PITPNB: variants seen among roughly 807,000 people sequenced by gnomAD.
PITPNB encodes phosphatidylinositol transfer protein beta isoform.
A neutral mutation model predicts 45.9 loss-of-function variants in PITPNB; 16 were observed. The observed-to-expected ratio is 0.35, with a 90% confidence interval of 0.24 to 0.53. The LOEUF is 0.53. Ranked by LOEUF, PITPNB falls within the 20% of genes least tolerant of loss-of-function variation. The probability of loss-of-function intolerance (pLI) is 0.93; values close to 1 mark genes in which losing one functional copy is unlikely to be tolerated. For synonymous variants in PITPNB, 112 were observed against 108.9 expected, an observed-to-expected ratio of 1.03 and a Z score of -0.18; for missense variants, 188 against 330.5, an observed-to-expected ratio of 0.57 and a Z score of 3.34.
At chr22:27,857,551 AC>A (rs1249126425) in intron 10 of PITPNB, among the ~76,000 whole-genome samples, 7 of 152,174 alleles carry the variant, frequency 4.6e-5, no homozygotes, top group African/African-American at 1.7e-4. Flanking sequence ...CGTCTGTCAA[AC>A]GCTCACACCT....
Position 27,853,300 on chromosome 22 carries a change from T to C in PITPNB, c.*402A>G, listed in dbSNP as rs1176515093. The C allele has an allele frequency of 1.3e-5, 4 of 297,402 alleles. No homozygotes were observed. The highest frequency in any genetic ancestry group is 2.2e-5 in the African/African-American group (1 of 46,386). 18.4% of individuals were successfully genotyped at this position (297,402 alleles called of 1,614,324 possible). A position where few individuals can be genotyped will look rare whatever the true frequency, so the allele number is the denominator to read the frequency against. The stretch of plus-strand genomic sequence containing the variant: ...ACATTGCAGTCAATTTGTCCATTAA[T>C]GGTATTACTCTGATAATTATTAAAA... On this transcript the variant is annotated 3_prime_UTR_variant, in exon 12 of 12. Coordinates refer to ENST00000335272, the MANE Select transcript of PITPNB (RefSeq NM_012399.5).
chr22:27,853,320 T>C lies in PITPNB; in HGVS notation c.*382A>G, dbSNP rs1255189531. The C allele has an allele frequency of 1.2e-5, 4 of 347,080 alleles. No individual in the cohort carries two copies. The highest frequency in any genetic ancestry group is 2.1e-5 in the Non-Finnish European group (4 of 192,798). 21.5% of individuals were successfully genotyped at this position (347,080 alleles called of 1,614,324 possible). A position where few individuals can be genotyped will look rare whatever the true frequency, so the allele number is the denominator to read the frequency against. ...ATTAATGGTATTACTCTGATAATTATTAAAATCTGTTCCAGGTATATATAT... is the reference window on the plus strand; with the variant it reads ...ATTAATGGTATTACTCTGATAATTACTAAAATCTGTTCCAGGTATATATAT... On this transcript the variant is annotated 3_prime_UTR_variant, in exon 12 of 12. Coordinates refer to ENST00000335272, the MANE Select transcript of PITPNB (RefSeq NM_012399.5).
chr22:27,901,371 A>C (rs192532094), intron 3 of PITPNB, among the ~76,000 whole-genome samples: 1 of 152,286 alleles, frequency 6.6e-6, no homozygotes, highest in African/African-American at 2.4e-5. Context: ...TCTATCTGTA[A>C]ACCACACAAG....
At chr22:27,896,332 T>C (rs1004492589) in intron 6 of PITPNB, among the ~76,000 whole-genome samples, 2 of 151,786 alleles carry the variant, frequency 1.3e-5, no homozygotes, top group Non-Finnish European at 2.9e-5. Context: ...ATAAAGAGAG[T>C]TGCTGATCAA....
intron 11 of PITPNB, 111 bp downstream of exon 11, chr22:27,854,743 T>C (rs929837867): frequency 7.1e-6 from 4 of 566,456 alleles, no homozygotes; most frequent in African/African-American, 5.7e-5. Flanking sequence ...TCTTTTAAAT[T>C]CTAAAAATAA....
At chr22:27,901,604 A>G (rs1935595847) in intron 3 of PITPNB, among the ~76,000 whole-genome samples, 1 of 152,222 alleles carries the variant, frequency 6.6e-6, no homozygotes, top group East Asian at 1.9e-4. Context: ...AGAAAGGGCC[A>G]GGTGCGGTGG....
chr22:27,885,344 C>T (rs1601403763), intron 7 of PITPNB, among the ~76,000 whole-genome samples: 1 of 145,754 alleles, frequency 6.9e-6, no homozygotes, highest in Non-Finnish European at 1.5e-5. Context: ...TTAAGGAATC[C>T]TAAACTTTTT....
chr22:27,856,534 C>A (rs1367959964), intron 10 of PITPNB, among the ~76,000 whole-genome samples: 3 of 152,156 alleles, frequency 2.0e-5, no homozygotes, highest in Non-Finnish European at 4.4e-5. Flanking sequence ...CAAGTTCTGT[C>A]CAAGGGGTCC....
chr22:27,881,380 G>A (rs1934967230), intron 7 of PITPNB, among the ~76,000 whole-genome samples: 1 of 152,172 alleles, frequency 6.6e-6, no homozygotes, highest in Non-Finnish European at 1.5e-5. Flanking sequence ...CAATTCTCAT[G>A]TTTTTATTAT....
intron 2 of PITPNB, among the ~76,000 whole-genome samples, chr22:27,912,204 T>C (rs1218870366): frequency 2.0e-5 from 3 of 152,242 alleles, no homozygotes; most frequent in African/African-American, 4.8e-5. Context: ...TAAACATTCA[T>C]ATCTACAAAT....
chr22:27,905,005 A>C (rs1023314991), intron 3 of PITPNB, among the ~76,000 whole-genome samples: 1 of 152,278 alleles, frequency 6.6e-6, no homozygotes, highest in Non-Finnish European at 1.5e-5. Flanking sequence ...TATTTTTCAG[A>C]AACAGGATCA....
chr22:27,918,180 T>G (rs567781363), intron 1 of PITPNB, among the ~76,000 whole-genome samples: 1 of 152,184 alleles, frequency 6.6e-6, no homozygotes, highest in African/African-American at 2.4e-5. Flanking sequence ...AGGGAGTCTT[T>G]GGGAGGTATT....
intron 7 of PITPNB, among the ~76,000 whole-genome samples, chr22:27,886,847 A>G (rs1363107520): frequency 6.6e-6 from 1 of 152,194 alleles, no homozygotes; most frequent in Non-Finnish European, 1.5e-5. Flanking sequence ...TTCTTTTTAA[A>G]AGCAAGTAAT....
chr22:27,897,214 C>A, intron 4 of PITPNB, 77 bp from the exon 5 acceptor site: 1 of 934,040 alleles, frequency 1.1e-6, no homozygotes, highest in Non-Finnish European at 1.8e-6. Context: ...CAATCTGTCC[C>A]AATACTTAAT....
At chr22:27,890,173 G>C (rs942698496) in intron 7 of PITPNB, among the ~76,000 whole-genome samples, 1 of 151,868 alleles carries the variant, frequency 6.6e-6, no homozygotes, top group Non-Finnish European at 1.5e-5. Context: ...CTGAAATGGG[G>C]GTCTGGTCCT....
intron 10 of PITPNB, among the ~76,000 whole-genome samples, chr22:27,857,739 G>A (rs1393819914): frequency 6.6e-6 from 1 of 152,222 alleles, no homozygotes; most frequent in Non-Finnish European, 1.5e-5. Flanking sequence ...AGCCAGGGAA[G>A]AATCCATCCC....
intron 7 of PITPNB, among the ~76,000 whole-genome samples, chr22:27,878,652 C>T (rs1248985715): frequency 6.6e-6 from 1 of 152,096 alleles, no homozygotes; most frequent in African/African-American, 2.4e-5. Flanking sequence ...TTTATCTTTG[C>T]ATGATCTATG....
At chr22:27,906,983 CTT>C (rs1935781576) in intron 3 of PITPNB, among the ~76,000 whole-genome samples, 1 of 152,126 alleles carries the variant, frequency 6.6e-6, no homozygotes, top group South Asian at 2.1e-4. Flanking sequence ...AATCCAGAGA[CTT>C]GAGTTATACT....
intron 8 of PITPNB, among the ~76,000 whole-genome samples, chr22:27,865,374 T>C (rs1326955232): frequency 6.6e-6 from 1 of 152,180 alleles, no homozygotes; most frequent in Non-Finnish European, 1.5e-5. Context: ...CTAAACAAAA[T>C]CAAGTTAAAA....
Sources: allele counts gnomAD v4.1 joint callset (sites outside exome capture counted in the v4.1 genomes callset), GRCh38; gene constraint gnomAD v4.1.1; transcripts MANE v1.5; gene names NCBI Gene and HGNC (gene_info 2026-07-23, HGNC 2026-07-21).